The following ATP6V0E1 variants were observed in gnomAD, a reference collection of about 807,000 sequenced individuals.
ATP6V0E1 encodes the protein V-type proton ATPase subunit e 1.
In ATP6V0E1, 4 loss-of-function variants were observed where a neutral mutation model predicts 11.6. The ratio of observed to expected loss-of-function variants is 0.35; its 90% confidence interval spans 0.17 to 0.79. The LOEUF (loss-of-function observed/expected upper bound fraction) is 0.79. ATP6V0E1 is among the 30% of genes least tolerant of loss of function. The pLI is 0.54. For synonymous variants in ATP6V0E1, 36 were observed against 34.8 expected, an observed-to-expected ratio of 1.04 and a Z score of -0.13; for missense variants, 105 against 100.0, an observed-to-expected ratio of 1.05 and a Z score of -0.21.
At chr5:173,015,916 G>A (rs765972954) in intron 2 of ATP6V0E1, among the ~76,000 whole-genome samples, 27 of 152,018 alleles carry the variant, frequency 1.8e-4, no homozygotes, top group Non-Finnish European at 1.2e-4. Context: ...TAGTAGAGAC[G>A]GGTTTCACCA....
chr5:173,013,298 G>A (rs560355099), intron 2 of ATP6V0E1, among the ~76,000 whole-genome samples: 17 of 142,058 alleles, frequency 1.2e-4, no homozygotes, highest in African/African-American at 4.1e-4. Flanking sequence ...CAACTTGGCC[G>A]GGCGCGGTGG....
At chr5:173,014,449 CA>C in intron 2 of ATP6V0E1, among the ~76,000 whole-genome samples, 1 of 152,230 alleles carries the variant, frequency 6.6e-6, no homozygotes, top group East Asian at 1.9e-4. Context: ...TTCACAGTAG[CA>C]GAGACAGAGA....
Position 172,985,164 on chromosome 5 carries a change from G to GA in ATP6V0E1, c.104+1202dup, listed in dbSNP as rs570652643. Among the ~76,000 whole-genome samples the GA allele has an allele frequency of 7.1e-3, 1,065 of 149,706 alleles. 4 individuals are homozygous for GA. Among genetic ancestry groups the GA allele is most frequent in the Non-Finnish European group, 0.012 (808 of 67,792 alleles). ...GGAGGCTGAGGCAGGAGAATGGCGT[G>GA]AACCCAGGAGGCAGAGCTTGCAGTG... is the stretch of plus-strand genomic sequence containing the variant. On this transcript the variant is annotated intron_variant, in intron 1 of 3. Transcript: ENST00000519374.
intron 2 of ATP6V0E1, among the ~76,000 whole-genome samples, chr5:173,014,776 C>T (rs1410060083): frequency 2.0e-5 from 3 of 148,358 alleles, no homozygotes; most frequent in African/African-American, 7.9e-5. Flanking sequence ...TGTGGGGTAC[C>T]CGTAAAATGG....
chr5:173,012,669 G>A (rs568944213), intron 2 of ATP6V0E1, among the ~76,000 whole-genome samples: 7 of 151,642 alleles, frequency 4.6e-5, no homozygotes, highest in South Asian at 2.1e-4. Context: ...CAGGAGAATC[G>A]CTTGAACCTG....
At chr5:172,989,491 C>G (rs149250705) in intron 1 of ATP6V0E1, among the ~76,000 whole-genome samples, 3 of 152,294 alleles carry the variant, frequency 2.0e-5, no homozygotes, top group East Asian at 3.9e-4. Flanking sequence ...TCCCTTCTTT[C>G]CTCCTCACAG....
Position 173,034,526 on chromosome 5 carries a change from T to G in ATP6V0E1, c.*164T>G. The G allele has an allele frequency of 1.5e-6, 1 of 688,850 alleles. No individual in the cohort carries two copies. The highest frequency in any genetic ancestry group is 2.7e-6 in the Non-Finnish European group (1 of 373,640). 42.7% of individuals were successfully genotyped at this position (688,850 alleles called of 1,614,324 possible). On this transcript the variant is annotated 3_prime_UTR_variant, in exon 4 of 4. Transcript: ENST00000519374. ...CACATTTGAATGCCTTATTCTACAATGCAGCGTGTTTTCCTTTGCCTTTTT... is the reference window on the plus strand; with the variant it reads ...CACATTTGAATGCCTTATTCTACAAGGCAGCGTGTTTTCCTTTGCCTTTTT...
chr5:172,988,275 T>C (rs1386888948), intron 1 of ATP6V0E1, among the ~76,000 whole-genome samples: 2 of 152,068 alleles, frequency 1.3e-5, no homozygotes, highest in Non-Finnish European at 2.9e-5. Flanking sequence ...ATTATCTGGG[T>C]CCAGTTCACA....
In ATP6V0E1 at chr5:173,021,305, T is replaced by C. The variant is rs531569046; in HGVS notation, c.*36+938T>C. Among the ~76,000 whole-genome samples the C allele has an allele frequency of 6.6e-5, 10 of 150,794 alleles. 1 individual carries two copies. In the South Asian group the frequency reaches 1.7e-3, roughly 25 times the overall value. The stretch of plus-strand genomic sequence containing the variant: ...TAAAGACATACCCAAGACTGGGTAA[T>C]TTATAAAGAAAGAGAGGTTTAATGG... On this transcript the variant is annotated intron_variant, in intron 3 of 3. Transcript: ENST00000519374.
chr5:173,000,457 T>G lies in ATP6V0E1; in HGVS notation c.152+5635T>G, dbSNP rs1756135312. ...ACATGAAATTAGAAATGTAATGTAT[T>G]GTGAAGACACAGTTGTTTCTTGGAA... On this transcript the variant is annotated intron_variant, in intron 2 of 3. Transcript: ENST00000519374. Among the ~76,000 whole-genome samples the G allele has an allele frequency of 2.0e-5, 3 of 152,218 alleles. No individual in the cohort carries two copies. The South Asian group carries it at 6.2e-4, about 32-fold the overall frequency.
intron 2 of ATP6V0E1, among the ~76,000 whole-genome samples, chr5:173,006,010 G>C (rs1044837686): frequency 4.6e-5 from 7 of 152,246 alleles, no homozygotes; most frequent in South Asian, 2.1e-4. Flanking sequence ...TATTTTATGC[G>C]TGTGGACTAT....
chr5:172,987,060 A>T (rs1755907891), intron 1 of ATP6V0E1: 1 of 178,242 alleles, frequency 5.6e-6, no homozygotes, highest in Non-Finnish European at 1.2e-5. Context: ...TGCTAGAATT[A>T]CAGGCATGAG....
At chr5:172,990,219 A>G (rs1755959613) in intron 1 of ATP6V0E1, among the ~76,000 whole-genome samples, 1 of 151,980 alleles carries the variant, frequency 6.6e-6, no homozygotes, top group African/African-American at 2.4e-5. Flanking sequence ...GAATTTATGG[A>G]TGACCTAAAT....
chr5:173,024,146 G>A (rs559261213), intron 3 of ATP6V0E1, among the ~76,000 whole-genome samples: 4 of 148,236 alleles, frequency 2.7e-5, no homozygotes, highest in Non-Finnish European at 5.9e-5. Flanking sequence ...TGCAGTGAGC[G>A]GAGATTGCGC....
At chr5:172,987,530 C>T (rs10434693) in intron 1 of ATP6V0E1, among the ~76,000 whole-genome samples, 30,758 of 151,844 alleles carry the variant, frequency 0.2, 4,493 homozygotes, top group East Asian at 0.74. Context: ...GTGATCCGTC[C>T]GCCTCGGCCT....
intron 2 of ATP6V0E1, among the ~76,000 whole-genome samples, chr5:173,017,130 C>G (rs1392884782): frequency 6.6e-6 from 1 of 152,134 alleles, no homozygotes; most frequent in Non-Finnish European, 1.5e-5. Flanking sequence ...AAAAGATCCA[C>G]CCGGATAATG....
chr5:172,985,294 AT>A (rs1432461847), intron 1 of ATP6V0E1, among the ~76,000 whole-genome samples: 3 of 151,660 alleles, frequency 2.0e-5, no homozygotes, highest in Non-Finnish European at 2.9e-5. Flanking sequence ...CTTCCCTAAT[AT>A]TTTGTGACCT....
At chr5:172,996,353 A>T (rs1456198247) in intron 2 of ATP6V0E1, among the ~76,000 whole-genome samples, 1 of 151,994 alleles carries the variant, frequency 6.6e-6, no homozygotes, top group Non-Finnish European at 1.5e-5. Flanking sequence ...AGGTCAGGAT[A>T]TTGAGACCAG....
At chr5:173,016,076 C>A (rs1352408777) in intron 2 of ATP6V0E1, among the ~76,000 whole-genome samples, 1 of 152,166 alleles carries the variant, frequency 6.6e-6, no homozygotes, top group Non-Finnish European at 1.5e-5. Context: ...GCTCCGCGAG[C>A]TGCTCTAGTA....
Sources: allele counts gnomAD v4.1 joint callset (sites outside exome capture counted in the v4.1 genomes callset), GRCh38; gene constraint gnomAD v4.1.1; transcripts MANE v1.5; gene names NCBI Gene and HGNC (gene_info 2026-07-23, HGNC 2026-07-21).